Variants in EXOC4 observed in about 807,000 individuals in gnomAD.
EXOC4 encodes the protein SEC8-like 1.
A neutral mutation model predicts 107.2 loss-of-function variants in EXOC4; 71 were observed. The observed-to-expected ratio is 0.66, with a 90% CI of 0.55 to 0.81. The LOEUF (loss-of-function observed/expected upper bound fraction) is 0.81, where lower values mean the gene tolerates loss of function less well. Among genes scored for constraint, EXOC4 ranks in the 30% least tolerant of loss-of-function variants. The pLI is 0.00. For synonymous variants in EXOC4, 456 were observed against 441.2 expected (o/e 1.03, Z -0.42); for missense variants, 1,108 against 1,189.6 (o/e 0.93, Z 1.01).
intron 5 of EXOC4, among the ~76,000 whole-genome samples, chr7:133,331,800 G>T (rs2150606369): frequency 6.6e-6 from 1 of 152,248 alleles, no homozygotes; most frequent in East Asian, 1.9e-4. Flanking sequence ...GTTGGTCCAG[G>T]TTCAACCAAG....
At chr7:133,888,596 G>T (rs936500562) in intron 11 of EXOC4, among the ~76,000 whole-genome samples, 1 of 152,180 alleles carries the variant, frequency 6.6e-6, no homozygotes, top group Non-Finnish European at 1.5e-5. Context: ...GCACAGTGCT[G>T]TCGGCATCTA....
At chr7:133,458,863 A>AC (rs1266242778) in intron 7 of EXOC4, among the ~76,000 whole-genome samples, 614 of 46,166 alleles carry the variant, frequency 0.013, 2 homozygotes, top group Middle Eastern at 0.044. Flanking sequence ...CCTCCCTCCC[A>AC]CCCCCACACC....
In EXOC4 at chr7:133,871,606, A is replaced by G. The variant is rs150761011; in HGVS notation, c.1735-23993A>G. ...TCTCCCTCCATCTTTCTCATCCCCA[A>G]TGATTCAGTCATTAATTTCTCTCTT... On this transcript the variant is annotated intron_variant, in intron 11 of 17. Coordinates refer to ENST00000253861, the MANE Select transcript of EXOC4 (RefSeq NM_021807.4). Among the ~76,000 whole-genome samples the G allele has an allele frequency of 2.1e-4, 32 of 152,010 alleles. No individual in the cohort carries two copies. In the East Asian group the frequency reaches 5.0e-3, roughly 24 times the overall value.
intron 7 of EXOC4, among the ~76,000 whole-genome samples, chr7:133,376,599 C>G (rs904234572): frequency 1.3e-5 from 2 of 152,154 alleles, no homozygotes; most frequent in African/African-American, 2.4e-5. Context: ...AACTATTAGC[C>G]CTTTGGTCAG....
Position 133,432,838 on chromosome 7 carries a change from C to G in EXOC4, c.1183-42490C>G, listed in dbSNP as rs770348132. On this transcript the variant is annotated intron_variant, in intron 7 of 17. Transcript: ENST00000253861. ...TCTAGCAGGCTATTTCTATGCAAAACTAATACTGCATAAAATATTGTCAAT... is the reference window on the plus strand; with the variant it reads ...TCTAGCAGGCTATTTCTATGCAAAAGTAATACTGCATAAAATATTGTCAAT... Among the ~76,000 whole-genome samples the G allele has an allele frequency of 6.3e-4, 96 of 152,152 alleles. 1 individual carries two copies. The highest frequency in any genetic ancestry group is 1.9e-4 in the Non-Finnish European group (13 of 68,028).
intron 10 of EXOC4, among the ~76,000 whole-genome samples, chr7:133,698,587 A>ATAT (rs1554387395): frequency 6.6e-6 from 1 of 151,430 alleles, no homozygotes; most frequent in African/African-American, 2.4e-5. Context: ...AAAAAAAAAA[A>ATAT]ATATAGAAGA....
intron 10 of EXOC4, among the ~76,000 whole-genome samples, chr7:133,688,463 A>G (rs2483502): frequency 0.99 from 150,033 of 152,286 alleles, 73,955 homozygotes; most frequent in Middle Eastern, 1. Context: ...AAATGACAGT[A>G]TAGTGATGAT....
At chr7:133,597,574 A>ACCCCC (rs1801709031) in intron 9 of EXOC4, among the ~76,000 whole-genome samples, 1 of 123,672 alleles carries the variant, frequency 8.1e-6, no homozygotes, top group African/African-American at 3.0e-5. Flanking sequence ...AAAAAAAAAA[A>ACCCCC]ACCCAAAAAA....
chr7:133,761,001 A>G (rs1386098722), intron 10 of EXOC4, among the ~76,000 whole-genome samples: 1 of 152,212 alleles, frequency 6.6e-6, no homozygotes, highest in African/African-American at 2.4e-5. Flanking sequence ...CAAGATGGCA[A>G]ATTCACAACC....
chr7:133,961,355 C>T (rs762711321), intron 14 of EXOC4, among the ~76,000 whole-genome samples: 3 of 122,200 alleles, frequency 2.5e-5, no homozygotes, highest in Admixed American at 1.2e-4. Flanking sequence ...GGCATGATTT[C>T]GGCTCACTGC....
intron 13 of EXOC4, among the ~76,000 whole-genome samples, chr7:133,932,566 A>G (rs935886624): frequency 9.2e-5 from 14 of 152,342 alleles, no homozygotes; most frequent in South Asian, 2.1e-4. Context: ...TACTATCTCC[A>G]AATATATACA....
intron 10 of EXOC4, among the ~76,000 whole-genome samples, chr7:133,762,539 T>C (rs570115193): frequency 4.6e-5 from 7 of 152,260 alleles, no homozygotes; most frequent in South Asian, 2.1e-4. Flanking sequence ...TTTTCACTGA[T>C]AGATATTTAT....
chr7:133,782,677 T>C (rs954222741), intron 10 of EXOC4, among the ~76,000 whole-genome samples: 11 of 152,166 alleles, frequency 7.2e-5, no homozygotes, highest in Non-Finnish European at 1.0e-4. Flanking sequence ...AACACATCCT[T>C]TTGTAGATAA....
intron 10 of EXOC4, among the ~76,000 whole-genome samples, chr7:133,765,736 C>A (rs1166026007): frequency 6.6e-6 from 1 of 151,894 alleles, no homozygotes; most frequent in Non-Finnish European, 1.5e-5. Flanking sequence ...AGCAGACTGA[C>A]CCATCATTTT....
chr7:133,474,825 G>A (rs1180324094), intron 7 of EXOC4, among the ~76,000 whole-genome samples: 2 of 152,048 alleles, frequency 1.3e-5, no homozygotes, highest in African/African-American at 4.8e-5. Context: ...TCACTTTACA[G>A]GTCTTGAACC....
intron 5 of EXOC4, among the ~76,000 whole-genome samples, chr7:133,341,729 A>G (rs1156867017): frequency 6.6e-6 from 1 of 152,110 alleles, no homozygotes; most frequent in Non-Finnish European, 1.5e-5. Flanking sequence ...TTAGGTATAT[A>G]TAATTTAGGA....
intron 9 of EXOC4, chr7:133,484,315 A>G: frequency 1.5e-6 from 1 of 665,952 alleles, no homozygotes; most frequent in Non-Finnish European, 2.3e-6. Context: ...TGCTGCTTCA[A>G]AATGTGTGAG....
intron 1 of EXOC4, among the ~76,000 whole-genome samples, chr7:133,261,313 C>T (rs543513072): frequency 6.7e-6 from 1 of 149,600 alleles, no homozygotes; most frequent in South Asian, 2.1e-4. Context: ...CTTGCCCAGG[C>T]TGGAGCGCAG....
At chr7:133,774,854 A>C (rs1796313361) in intron 10 of EXOC4, among the ~76,000 whole-genome samples, 1 of 151,950 alleles carries the variant, frequency 6.6e-6, no homozygotes, top group South Asian at 2.1e-4. Flanking sequence ...GTTTATGATT[A>C]TTTTTCCCTA....
Sources: allele counts gnomAD v4.1 joint callset (sites outside exome capture counted in the v4.1 genomes callset), GRCh38; gene constraint gnomAD v4.1.1; transcripts MANE v1.5; gene names NCBI Gene and HGNC (gene_info 2026-07-23, HGNC 2026-07-21).